Variants in GALNT13 observed in about 807,000 individuals in gnomAD.
GALNT13 encodes the protein polypeptide N-acetylgalactosaminyltransferase 13, also known as UDP-GalNAc:polypeptide N-acetylgalactosaminyltransferase 13.
GALNT13 carries 28 observed loss-of-function variants against 64.2 expected under a neutral mutation model. The ratio of observed to expected loss-of-function variants is 0.44; its 90% CI spans 0.32 to 0.60. The LOEUF is 0.60. GALNT13 is among the 20% of genes least tolerant of loss of function. GALNT13 has a pLI of 0.05. For missense variants in GALNT13, 577 were observed against 669.8 expected (o/e 0.86, Z 1.53); for synonymous variants, 214 against 224.6 (o/e 0.95, Z 0.42).
the GALNT13 span, among the ~76,000 whole-genome samples, chr2:153,565,902 T>C: frequency 0.22 from 33,274 of 151,828 alleles, 4,030 homozygotes; most frequent in East Asian, 0.37. Context: ...TAAGCAAAAA[T>C]TAATGAAAAA....
the GALNT13 span, among the ~76,000 whole-genome samples, chr2:153,625,364 A>G: frequency 7.2e-5 from 11 of 152,156 alleles, no homozygotes; most frequent in Non-Finnish European, 1.5e-4. Context: ...TAATTACTAC[A>G]AACAAACACT....
chr2:154,082,330 C>G (rs950753296), intron 3 of GALNT13, among the ~76,000 whole-genome samples: 2 of 151,488 alleles, frequency 1.3e-5, no homozygotes, highest in Admixed American at 1.3e-4. Context: ...GTTGAGAATT[C>G]TATATGACAT....
the GALNT13 span, chr2:153,478,429 G>C: frequency 6.2e-7 from 1 of 1,614,016 alleles, no homozygotes; most frequent in Non-Finnish European, 8.5e-7. Context: ...ACGCTCGTCC[G>C]GGCCTCCCTC....
chr2:154,274,200 A>G (rs1378852111), intron 8 of GALNT13, among the ~76,000 whole-genome samples: 4 of 152,204 alleles, frequency 2.6e-5, no homozygotes, highest in Non-Finnish European at 5.9e-5. Context: ...TAAGATAGCA[A>G]ATAGCACCTG....
At chr2:154,083,448 G>A (rs1374108189) in intron 3 of GALNT13, among the ~76,000 whole-genome samples, 5 of 151,954 alleles carry the variant, frequency 3.3e-5, no homozygotes, top group Admixed American at 3.3e-4. Context: ...ATTGTGTGAA[G>A]AAAGACAATG....
At chr2:153,846,428 T>G in the GALNT13 span, among the ~76,000 whole-genome samples, 1 of 152,282 alleles carries the variant, frequency 6.6e-6, no homozygotes, top group African/African-American at 2.4e-5. Context: ...GAGCACATTA[T>G]TAAGCCAATA....
chr2:153,143,493 G>A, the GALNT13 span, among the ~76,000 whole-genome samples: 1 of 151,956 alleles, frequency 6.6e-6, no homozygotes, highest in African/African-American at 2.4e-5. Flanking sequence ...CTGTGGTGCT[G>A]TAGTCTCAGA....
chr2:154,330,014 A>G (rs1318511567), intron 9 of GALNT13, among the ~76,000 whole-genome samples: 5 of 152,102 alleles, frequency 3.3e-5, no homozygotes, highest in African/African-American at 1.2e-4. Flanking sequence ...CTTTATAAAA[A>G]TATTAAATAG....
the GALNT13 span, among the ~76,000 whole-genome samples, chr2:153,178,305 AC>A: frequency 1.3e-5 from 2 of 152,208 alleles, no homozygotes; most frequent in African/African-American, 4.8e-5. Context: ...TAATGGTGGT[AC>A]TAAGTTACAG....
At chr2:153,888,858 C>T (rs1408731860) in intron 1 of GALNT13, among the ~76,000 whole-genome samples, 1 of 151,908 alleles carries the variant, frequency 6.6e-6, no homozygotes, top group Non-Finnish European at 1.5e-5. Context: ...GAGTGATAGT[C>T]AATTGATAAT....
the GALNT13 span, among the ~76,000 whole-genome samples, chr2:153,115,358 A>C: frequency 6.6e-6 from 1 of 152,214 alleles, no homozygotes; most frequent in South Asian, 2.1e-4. Context: ...AAGTGCAATA[A>C]AACAATGCCA....
At chr2:154,355,370 T>A (rs1696679815) in intron 9 of GALNT13, among the ~76,000 whole-genome samples, 1 of 152,146 alleles carries the variant, frequency 6.6e-6, no homozygotes. Context: ...AAACAATTTC[T>A]TAGGATTCAA....
chr2:153,874,004 T>A lies in GALNT13; in HGVS notation c.-177+1701T>A, dbSNP rs184265802. On this transcript the variant is annotated intron_variant, in intron 1 of 12. Coordinates refer to ENST00000392825, the MANE Select transcript of GALNT13 (RefSeq NM_052917.4). ...GACCTCTCACCTTCCGGGATAATTC[T>A]CCTTGTATTACACGCATCCTTTCCT... 2.6e-5 allele frequency among the ~76,000 whole-genome samples: 4 copies of A among 152,180 alleles called. No individual in the cohort carries two copies. The East Asian group carries it at 5.8e-4, about 22-fold the overall frequency.
rs143144034 is a variant in GALNT13 at position 154,399,235 on chromosome 2, A to G, written c.1296+3105A>G. Among the ~76,000 whole-genome samples the G allele has an allele frequency of 6.5e-3, 985 of 152,262 alleles. 9 individuals are homozygous for G. Among genetic ancestry groups the G allele is most frequent in the African/African-American group, 0.022 (918 of 41,550 alleles). On this transcript the variant is annotated intron_variant, in intron 10 of 12. Coordinates refer to ENST00000392825, the MANE Select transcript of GALNT13 (RefSeq NM_052917.4). Reference sequence around the variant, plus strand: ...GAGTTCAAGACCAGCTGAGTAACATAGTGAGAACCCATCTCTATTTAATAA... The same window carrying G: ...GAGTTCAAGACCAGCTGAGTAACATGGTGAGAACCCATCTCTATTTAATAA...
the GALNT13 span, among the ~76,000 whole-genome samples, chr2:153,411,589 CACTGGGGTAGTAGCATGAGATGAA>C: frequency 1.3e-5 from 2 of 152,232 alleles, no homozygotes; most frequent in Admixed American, 1.3e-4. Context: ...GTATAAAGTT[CACTGGGGTAGTAGCATGAGATGAA>C]ACTGGAGGGG....
chr2:153,256,228 C>T, the GALNT13 span, among the ~76,000 whole-genome samples: 49,831 of 150,042 alleles, frequency 0.33, 8,498 homozygotes, highest in Middle Eastern at 0.5. Flanking sequence ...CATCTTCCAT[C>T]GCTGATACCC....
chr2:154,153,645 C>T (rs1301247821), intron 4 of GALNT13, among the ~76,000 whole-genome samples: 8 of 152,332 alleles, frequency 5.3e-5, no homozygotes, highest in Admixed American at 2.6e-4. Context: ...GCGGGCGCCC[C>T]TCTCCCAGCC....
At chr2:153,612,203 G>C in the GALNT13 span, among the ~76,000 whole-genome samples, 1 of 152,122 alleles carries the variant, frequency 6.6e-6, no homozygotes, top group South Asian at 2.1e-4. Flanking sequence ...ATGCCATCGA[G>C]CATGTGGAGA....
chr2:153,281,577 C>T, the GALNT13 span, among the ~76,000 whole-genome samples: 2 of 152,082 alleles, frequency 1.3e-5, no homozygotes, highest in Admixed American at 1.3e-4. Flanking sequence ...TCTTGTAAGG[C>T]TGGTCTGCTG....
Sources: allele counts gnomAD v4.1 joint callset (sites outside exome capture counted in the v4.1 genomes callset), GRCh38; gene constraint gnomAD v4.1.1; transcripts MANE v1.5; gene names NCBI Gene and HGNC (gene_info 2026-07-23, HGNC 2026-07-21).